Variants in KCNMB2 observed in about 807,000 individuals in gnomAD.
KCNMB2 encodes the protein potassium calcium-activated channel subfamily M regulatory beta subunit 2.
Under a neutral mutation model 24.5 loss-of-function variants are expected in KCNMB2, and 9 were observed. The ratio of observed to expected loss-of-function variants is 0.37; its 90% CI spans 0.22 to 0.64. KCNMB2 has a LOEUF of 0.64. Ranked by LOEUF, KCNMB2 falls within the 30% of genes least tolerant of loss-of-function variation. The pLI, the probability that KCNMB2 is intolerant of heterozygous loss-of-function variation, is 0.63. For synonymous variants in KCNMB2, 109 were observed against 104.4 expected (o/e 1.04, Z -0.27); for missense variants, 226 against 284.3 (o/e 0.79, Z 1.47).
chr3:178,811,429 C>G (rs567046226), intron 2 of KCNMB2, among the ~76,000 whole-genome samples: 1 of 152,176 alleles, frequency 6.6e-6, no homozygotes, highest in African/African-American at 2.4e-5. Flanking sequence ...TATATTGTTT[C>G]CATCCAAATG....
intron 2 of KCNMB2, 86 bp downstream of exon 2, chr3:178,807,551 C>G (rs577334605): frequency 8.7e-7 from 1 of 1,146,630 alleles, no homozygotes; most frequent in Non-Finnish European, 1.3e-6. Flanking sequence ...TAGTAGGCAA[C>G]TGAGCCTTAT....
intron 1 of KCNMB2, among the ~76,000 whole-genome samples, chr3:178,610,059 C>A (rs1718426977): frequency 6.6e-6 from 1 of 152,222 alleles, no homozygotes. Context: ...ATATTCTTTA[C>A]ACCTTTGTCA....
intron 1 of KCNMB2, among the ~76,000 whole-genome samples, chr3:178,696,039 A>G: frequency 6.6e-6 from 1 of 152,350 alleles, no homozygotes; most frequent in East Asian, 1.9e-4. Context: ...CTCACAGTTC[A>G]GCTTGGCTGG....
chr3:178,763,531 G>T (rs1275299939), intron 1 of KCNMB2, among the ~76,000 whole-genome samples: 1 of 152,134 alleles, frequency 6.6e-6, no homozygotes, highest in African/African-American at 2.4e-5. Flanking sequence ...AGCTCAAAAA[G>T]CTATTGCATA....
At chr3:178,835,068 C>G (rs1017982419) in intron 4 of KCNMB2, among the ~76,000 whole-genome samples, 2 of 151,460 alleles carry the variant, frequency 1.3e-5, no homozygotes, top group African/African-American at 4.9e-5. Context: ...TGTCTAATCC[C>G]AAAGCGCCGA....
Position 178,632,995 on chromosome 3 carries a change from C to A in KCNMB2, c.-68+96284C>A, listed in dbSNP as rs559274831. Among the ~76,000 whole-genome samples, 74 of 152,330 alleles carry A rather than the reference C, an allele frequency of 4.9e-4. 1 individual carries two copies. Among genetic ancestry groups the A allele is most frequent in the African/African-American group, 1.7e-3 (70 of 41,588 alleles). On this transcript the variant is annotated intron_variant, in intron 1 of 4. Coordinates refer to ENST00000452583, the MANE Select transcript of KCNMB2 (RefSeq NM_181361.3). ...AAAATCCAATAGGGCAATCATTAAA[C>A]CTTAAAGTTACAAAATGATCCCCTT...
intron 1 of KCNMB2, among the ~76,000 whole-genome samples, chr3:178,552,504 T>G (rs35743367): frequency 0.12 from 17,512 of 152,164 alleles, 1,189 homozygotes; most frequent in Middle Eastern, 0.22. Flanking sequence ...TAACTGTATA[T>G]CAATGGTACT....
intron 1 of KCNMB2, among the ~76,000 whole-genome samples, chr3:178,576,634 T>C (rs1717002486): frequency 6.6e-6 from 1 of 152,158 alleles, no homozygotes; most frequent in African/African-American, 2.4e-5. Flanking sequence ...GAAGTCGACC[T>C]GGGAGGCTCA....
chr3:178,573,546 C>T (rs969018242), intron 1 of KCNMB2, among the ~76,000 whole-genome samples: 11 of 150,220 alleles, frequency 7.3e-5, no homozygotes, highest in African/African-American at 2.7e-4. Context: ...TCAAGTCCAG[C>T]CTGGACAATG....
chr3:178,826,308 G>A (rs1346607526), intron 3 of KCNMB2, among the ~76,000 whole-genome samples: 1 of 152,160 alleles, frequency 6.6e-6, no homozygotes, highest in Non-Finnish European at 1.5e-5. Context: ...CAGAAGGTCA[G>A]ATTTAATTGG....
At chr3:178,714,856 G>A (rs534998395) in intron 1 of KCNMB2, among the ~76,000 whole-genome samples, 46 of 152,238 alleles carry the variant, frequency 3.0e-4, no homozygotes, top group African/African-American at 1.0e-3. Flanking sequence ...TGGAAATCAC[G>A]GCTGCACCAG....
chr3:178,705,244 A>G (rs1577112336), intron 1 of KCNMB2, among the ~76,000 whole-genome samples: 1 of 152,060 alleles, frequency 6.6e-6, no homozygotes, highest in East Asian at 1.9e-4. Flanking sequence ...GTCCCTGAAC[A>G]GTATTGATGG....
intron 1 of KCNMB2, among the ~76,000 whole-genome samples, chr3:178,789,217 G>C (rs777549433): frequency 6.6e-6 from 1 of 152,132 alleles, no homozygotes; most frequent in Admixed American, 6.5e-5. Flanking sequence ...ATGTCAATGC[G>C]TCATGATTAT....
In KCNMB2 at chr3:178,635,408, T is replaced by TACACACACACACAC. The variant is rs58294929; in HGVS notation, c.-68+98720_-68+98733dup. On this transcript the variant is annotated intron_variant, in intron 1 of 4. Transcript: ENST00000452583. ...TATCCCTTACACAGGTGCTTATGCA[T>TACACACACACACAC]ACACACACACACACACACACACACA... Among the ~76,000 whole-genome samples, 1,085 of 144,930 alleles carry TACACACACACACAC rather than the reference T, an allele frequency of 7.5e-3. 16 individuals are homozygous for TACACACACACACAC. The highest frequency in any genetic ancestry group is 0.026 in the African/African-American group (1,012 of 39,164).
chr3:178,734,293 T>C (rs9290667), intron 1 of KCNMB2, among the ~76,000 whole-genome samples: 73,820 of 152,110 alleles, frequency 0.49, 18,390 homozygotes, highest in African/African-American at 0.61. Flanking sequence ...ACTTGTGGCA[T>C]CATGCCTTCA....
At chr3:178,619,852 G>C (rs1183633214) in intron 1 of KCNMB2, among the ~76,000 whole-genome samples, 3 of 152,132 alleles carry the variant, frequency 2.0e-5, no homozygotes, top group Admixed American at 2.0e-4. Context: ...AGTAGGCAAA[G>C]AGAAGTCCCT....
intron 1 of KCNMB2, among the ~76,000 whole-genome samples, chr3:178,607,628 CGTGTGTGT>C (rs143508589): frequency 6.8e-6 from 1 of 147,272 alleles, no homozygotes; most frequent in African/African-American, 2.5e-5. Context: ...ATTGTGCATG[CGTGTGTGT>C]GTGTGTGTGT....
chr3:178,752,154 A>C (rs960244418), intron 1 of KCNMB2, among the ~76,000 whole-genome samples: 5 of 152,244 alleles, frequency 3.3e-5, no homozygotes, highest in African/African-American at 1.2e-4. Flanking sequence ...CTAAAGTTCG[A>C]GGAGCTTCCA....
intron 1 of KCNMB2, among the ~76,000 whole-genome samples, chr3:178,758,044 A>ACACAAAAG (rs374002287): frequency 1.4e-4 from 1 of 7,170 alleles, no homozygotes; most frequent in Non-Finnish European, 2.5e-4. Flanking sequence ...ATATATATCT[A>ACACAAAAG]GATATATATA....
Sources: allele counts gnomAD v4.1 joint callset (sites outside exome capture counted in the v4.1 genomes callset), GRCh38; gene constraint gnomAD v4.1.1; transcripts MANE v1.5; gene names NCBI Gene and HGNC (gene_info 2026-07-23, HGNC 2026-07-21).